The following RAB28 variants were observed in gnomAD, a reference collection of about 807,000 sequenced individuals.
RAB28 encodes RAB28, member RAS oncogene family, also known as ras-related protein Rab-28.
In RAB28, 24 loss-of-function variants were observed where a neutral mutation model predicts 31.7. The observed-to-expected ratio is 0.76, with a 90% CI of 0.55 to 1.06. The LOEUF (loss-of-function observed/expected upper bound fraction) is 1.06, where lower values mean the gene tolerates loss of function less well. Among genes scored for constraint, RAB28 ranks in the 50% least tolerant of loss-of-function variants. RAB28 has a pLI of 0.00. For missense variants in RAB28, 254 were observed against 258.5 expected, an observed-to-expected ratio of 0.98 and a Z score of 0.12; for synonymous variants, 100 against 90.4, an observed-to-expected ratio of 1.11 and a Z score of -0.60.
chr4:13,484,161 G>A lies in RAB28; in HGVS notation c.-11C>T, dbSNP rs1257974431. 1 of 1,573,984 alleles carries A rather than the reference G, an allele frequency of 6.4e-7. No homozygotes were observed. The highest frequency in any genetic ancestry group is 8.6e-7 in the Non-Finnish European group (1 of 1,159,054). On this transcript the variant is annotated 5_prime_UTR_variant, in exon 1 of 7. Coordinates refer to ENST00000330852, the MANE Select transcript of RAB28 (RefSeq NM_001017979.3). ...CTCAGAGTCCGACATGGTGTCCCGG[G>A]AACCAGGCCCGCCCCTCGAGGTGGG...
At chr4:13,432,262 A>G (rs2108932051) in intron 4 of RAB28, among the ~76,000 whole-genome samples, 1 of 152,256 alleles carries the variant, frequency 6.6e-6, no homozygotes, top group Admixed American at 6.5e-5. Context: ...ACTTTAAGAA[A>G]CAAAGCCTTC....
chr4:13,423,728 C>T (rs1446285695), intron 4 of RAB28, among the ~76,000 whole-genome samples: 3 of 152,130 alleles, frequency 2.0e-5, no homozygotes, highest in African/African-American at 7.2e-5. Flanking sequence ...TTGCCAACCC[C>T]TGCTCTAGAT....
In RAB28 at chr4:13,375,768, A is replaced by AACACAC. The variant is rs377543521; in HGVS notation, c.573+771_573+776dup. ...CAAATATTTGCTTCAATTGTTTTAA[A>AACACAC]ACACACACACACACACACACACACA... On this transcript the variant is annotated intron_variant, in intron 6 of 6. Coordinates refer to ENST00000330852, the MANE Select transcript of RAB28 (RefSeq NM_001017979.3). Among the ~76,000 whole-genome samples the AACACAC allele has an allele frequency of 7.6e-3, 1,123 of 148,148 alleles. 11 individuals carry two copies. The highest frequency in any genetic ancestry group is 0.026 in the African/African-American group (1,058 of 40,160).
Position 13,448,244 on chromosome 4 carries a change from T to G in RAB28, c.391+12455A>C, listed in dbSNP as rs567089122. ...TTCCTTTTTCACAAAGAAATGTTTCTATAGCTCTGTGTTCTTTATTTGATA... is the reference window on the plus strand; with the variant it reads ...TTCCTTTTTCACAAAGAAATGTTTCGATAGCTCTGTGTTCTTTATTTGATA... On this transcript the variant is annotated intron_variant, in intron 4 of 6. Coordinates refer to ENST00000330852, the MANE Select transcript of RAB28 (RefSeq NM_001017979.3). 3.9e-5 allele frequency among the ~76,000 whole-genome samples: 6 copies of G among 152,282 alleles called. No homozygotes were observed. In the South Asian group the frequency reaches 8.3e-4, roughly 21 times the overall value.
intron 4 of RAB28, among the ~76,000 whole-genome samples, chr4:13,415,691 C>A (rs1156966045): frequency 6.6e-6 from 1 of 152,130 alleles, no homozygotes; most frequent in African/African-American, 2.4e-5. Flanking sequence ...CCTGTGTGGC[C>A]CAAGCCTCCC....
chr4:13,418,537 A>C (rs993392264), intron 4 of RAB28, among the ~76,000 whole-genome samples: 1 of 152,260 alleles, frequency 6.6e-6, no homozygotes, highest in Non-Finnish European at 1.5e-5. Context: ...GAAGCCCATC[A>C]GCTAACAGCG....
chr4:13,428,051 G>T (rs146155681), intron 4 of RAB28, among the ~76,000 whole-genome samples: 1 of 152,252 alleles, frequency 6.6e-6, no homozygotes, highest in South Asian at 2.1e-4. Flanking sequence ...ATAACTGGGG[G>T]CTGCATGCAT....
At chr4:13,482,519 C>G (rs1020255192) in intron 1 of RAB28, among the ~76,000 whole-genome samples, 6 of 152,038 alleles carry the variant, frequency 3.9e-5, no homozygotes, top group African/African-American at 1.2e-4. Context: ...AAACCTTAGA[C>G]GGCCTTCAAA....
intron 2 of RAB28, among the ~76,000 whole-genome samples, chr4:13,478,003 C>T (rs1383223572): frequency 1.3e-5 from 2 of 151,346 alleles, no homozygotes; most frequent in African/African-American, 4.8e-5. Flanking sequence ...AAGTTGGTGG[C>T]TTTTCAAATT....
chr4:13,450,291 C>T (rs1310085919), intron 4 of RAB28, among the ~76,000 whole-genome samples: 1 of 150,926 alleles, frequency 6.6e-6, no homozygotes, highest in East Asian at 1.9e-4. Context: ...TTTATTTAAC[C>T]TAAAATTATA....
At chr4:13,369,841 C>A (rs768501660) in intron 6 of RAB28, 24 of 1,586,872 alleles carry the variant, frequency 1.5e-5, no homozygotes, top group Non-Finnish European at 2.0e-5. Flanking sequence ...TTCCCACCTC[C>A]CCAAACTGTA....
At chr4:13,407,738 A>AT in intron 4 of RAB28, among the ~76,000 whole-genome samples, 1 of 152,246 alleles carries the variant, frequency 6.6e-6, no homozygotes, top group Admixed American at 6.5e-5. Context: ...TGTAAGTTGT[A>AT]TTCCTAGGCA....
In RAB28 at chr4:13,464,257, C is replaced by T. The variant is rs139032010; in HGVS notation, c.262-3429G>A. Among the ~76,000 whole-genome samples the T allele has an allele frequency of 4.6e-3, 695 of 152,182 alleles. 5 individuals are homozygous for T. Among genetic ancestry groups the T allele is most frequent in the African/African-American group, 0.016 (663 of 41,548 alleles). ...TATCAGTAAAGAGCCAAGAAAGATC[C>T]TCTCAAGGCTCTGGCATGAAGAGAG... On this transcript the variant is annotated intron_variant, in intron 3 of 6. Transcript: ENST00000330852.
intron 3 of RAB28, among the ~76,000 whole-genome samples, chr4:13,466,761 C>G (rs1283344922): frequency 6.6e-6 from 1 of 151,824 alleles, no homozygotes; most frequent in African/African-American, 2.4e-5. Context: ...GTCACAATAG[C>G]CAAGCTATGT....
chr4:13,438,182 T>C (rs1448439203), intron 4 of RAB28, among the ~76,000 whole-genome samples: 1 of 152,154 alleles, frequency 6.6e-6, no homozygotes, highest in Non-Finnish European at 1.5e-5. Context: ...ATTGGTAAAA[T>C]ACGAATCAAA....
intron 2 of RAB28, among the ~76,000 whole-genome samples, chr4:13,476,984 G>C (rs1247968592): frequency 2.0e-5 from 3 of 151,434 alleles, no homozygotes; most frequent in Admixed American, 6.6e-5. Context: ...TGGTGCCTTG[G>C]TTAACCTTAC....
At chr4:13,466,835 G>C (rs1177179974) in intron 3 of RAB28, among the ~76,000 whole-genome samples, 1 of 151,888 alleles carries the variant, frequency 6.6e-6, no homozygotes, top group Non-Finnish European at 1.5e-5. Context: ...ATGCATAACG[G>C]AATACCATAA....
At position 13,449,805 on chromosome 4, in the gene RAB28, TAAC is replaced by T. The variant is rs1714870710; in HGVS notation, c.391+10891_391+10893del. Among the ~76,000 whole-genome samples, 3 of 151,876 alleles carry T rather than the reference TAAC, an allele frequency of 2.0e-5. No homozygotes were observed. The East Asian group carries it at 5.8e-4, about 29-fold the overall frequency. ...TCCCACCCCCAATACAAGTTACCGA[TAAC>T]CACCACCCCTCCACTAACTAAGAAG... On this transcript the variant is annotated intron_variant, in intron 4 of 6. Transcript: ENST00000330852.
rs146156162 is a variant in RAB28, at chr4:13,395,931, T to A, written c.392-14337A>T. Among the ~76,000 whole-genome samples the A allele has an allele frequency of 3.0e-3, 453 of 152,162 alleles. 1 individual carries two copies. Among genetic ancestry groups the A allele is most frequent in the Non-Finnish European group, 5.1e-3 (349 of 67,916 alleles). ...TCTATAATGAACAAGACTTTTTCAT[T>A]CAAACCAGAATGTTATTCCATGTAT... On this transcript the variant is annotated intron_variant, in intron 4 of 6. Transcript: ENST00000330852.
Sources: allele counts gnomAD v4.1 joint callset (sites outside exome capture counted in the v4.1 genomes callset), GRCh38; gene constraint gnomAD v4.1.1; transcripts MANE v1.5; gene names NCBI Gene and HGNC (gene_info 2026-07-23, HGNC 2026-07-21).